The following DNAH9 variants were observed in gnomAD, a reference collection of about 807,000 sequenced individuals.
DNAH9 encodes dynein axonemal heavy chain 9, also known as DNAH9 variant protein.
A neutral mutation model predicts 471.6 loss-of-function variants in DNAH9; 345 were observed. That is an observed-to-expected ratio of 0.73 (90% CI 0.67 to 0.80). The LOEUF is 0.80. Among genes scored for constraint, DNAH9 ranks in the 30% least tolerant of loss-of-function variants. The probability of loss-of-function intolerance (pLI) is 0.00; values close to 1 mark genes in which losing one functional copy is unlikely to be tolerated. For missense variants in DNAH9, 5,407 were observed against 5,609.2 expected, an observed-to-expected ratio of 0.96 and a Z score of 1.15; for synonymous variants, 2,093 against 2,123.6, an observed-to-expected ratio of 0.99 and a Z score of 0.40.
At chr17:11,853,954 A>G in intron 49 of DNAH9, 49 bp from the exon 50 acceptor site, 1 of 1,571,558 alleles carries the variant, frequency 6.4e-7, no homozygotes, top group Non-Finnish European at 8.7e-7. Context: ...GGCAGAGGAC[A>G]AAGAAAGCCC....
intron 14 of DNAH9, among the ~76,000 whole-genome samples, chr17:11,655,978 G>A (rs907019984): frequency 7.2e-5 from 11 of 151,996 alleles, no homozygotes; most frequent in Admixed American, 1.3e-4. Flanking sequence ...AGGCATTTGG[G>A]CTGGTTCCAT....
chr17:11,646,987 C>A lies in DNAH9; in HGVS notation c.1971-85C>A, dbSNP rs527803995. ...TGGTTGGGTCAATGACTAGTAGTAT[C>A]TTCAATTTATGTTACAGATCATGAC... On this transcript the variant is annotated intron_variant, in intron 11 of 68. Coordinates refer to ENST00000262442, the MANE Select transcript of DNAH9 (RefSeq NM_001372.4). The A allele has an allele frequency of 3.1e-4, 441 of 1,444,508 alleles. 4 individuals are homozygous for A. The South Asian group carries it at 5.2e-3, about 17-fold the overall frequency. The allele number at this position is 1,444,508 out of a possible 1,614,324, so 89.5% of individuals were successfully genotyped here. A position where few individuals can be genotyped will look rare whatever the true frequency, so the allele number is the denominator to read the frequency against.
intron 38 of DNAH9, among the ~76,000 whole-genome samples, chr17:11,778,329 C>CAAAAA (rs57983162): frequency 0.038 from 1,840 of 47,926 alleles, no homozygotes; most frequent in Non-Finnish European, 0.066. Context: ...GACTCCATCT[C>CAAAAA]AAAAAAAAAA....
Position 11,800,397 on chromosome 17 carries a change from T to G in DNAH9, c.8420+2604T>G, listed in dbSNP as rs1276437088. 2.6e-5 allele frequency among the ~76,000 whole-genome samples: 4 copies of G among 151,630 alleles called. No homozygotes were observed. In the East Asian group the frequency reaches 7.8e-4, roughly 29 times the overall value. On this transcript the variant is annotated intron_variant, in intron 43 of 68. Transcript: ENST00000262442. ...CTCTCTCCTTCTCCCTCTCCTATTT[T>G]CTCTCTCCCCTCTTTTATCTTACCC...
chr17:11,747,441 C>G (rs1966925915), intron 31 of DNAH9, 115 bp from the exon 32 acceptor site: 2 of 750,488 alleles, frequency 2.7e-6, no homozygotes, highest in Admixed American at 4.2e-5. Flanking sequence ...GTAGATAACT[C>G]TTCCTCTGTT....
rs1430748759 is a variant in DNAH9, at chr17:11,781,032, A to G, written c.7576A>G (p.Lys2526Glu). The part of the protein sequence containing the change: ...LQAVLEKPLE[K>E]KAGRNYGPPG... The stretch of plus-strand genomic sequence containing the variant: ...AGCTGTCCTGGAGAAGCCTCTGGAA[A>G]AGAAGGCTGGCAGAAACTATGGCCC... The change falls in exon 39 of 69, where the codon AAG (lysine) becomes GAG (glutamate). Residue 2526 changes from lysine (K) to glutamate (E), a missense_variant. Lys to Glu is a moderately conservative substitution (Grantham distance 56). Transcript: ENST00000262442. The G allele has an allele frequency of 6.2e-7, 1 of 1,614,104 alleles. No individual in the cohort carries two copies. Among genetic ancestry groups the G allele is most frequent in the African/African-American group, 1.3e-5 (1 of 75,046 alleles).
At chr17:11,787,004 T>A (rs535043010) in intron 41 of DNAH9, among the ~76,000 whole-genome samples, 1 of 152,202 alleles carries the variant, frequency 6.6e-6, no homozygotes, top group South Asian at 2.1e-4. Flanking sequence ...CTAAGGAGAG[T>A]TTCAGGCTCA....
chr17:11,602,590 G>A (rs188472428), intron 1 of DNAH9, among the ~76,000 whole-genome samples: 106 of 152,288 alleles, frequency 7.0e-4, no homozygotes, highest in Admixed American at 2.2e-3. Context: ...TACAGATGGT[G>A]CTACCCTTGC....
chr17:11,719,746 C>CT, intron 27 of DNAH9, among the ~76,000 whole-genome samples: 1 of 152,236 alleles, frequency 6.6e-6, no homozygotes, highest in Non-Finnish European at 1.5e-5. Flanking sequence ...GAGCTCTGAC[C>CT]ACAGATGGCT....
At chr17:11,612,016 A>C (rs1340088096) in intron 4 of DNAH9, 1 of 605,416 alleles carries the variant, frequency 1.7e-6, no homozygotes, top group African/African-American at 1.9e-5. Context: ...AGCCCCTCTG[A>C]GCTTTAGTAC....
At chr17:11,677,700 T>C (rs1280388594) in intron 17 of DNAH9, among the ~76,000 whole-genome samples, 1 of 152,192 alleles carries the variant, frequency 6.6e-6, no homozygotes, top group African/African-American at 2.4e-5. Flanking sequence ...TCTTTTTCTT[T>C]TTCATTGACT....
At chr17:11,629,910 C>T (rs7208464) in intron 7 of DNAH9, among the ~76,000 whole-genome samples, 20,544 of 152,044 alleles carry the variant, frequency 0.14, 1,567 homozygotes, top group South Asian at 0.27. Context: ...TGGCTTCAAA[C>T]GTTTTAAGCT....
intron 52 of DNAH9, among the ~76,000 whole-genome samples, 197 bp downstream of exon 52, chr17:11,871,983 T>A (rs1421447024): frequency 6.6e-6 from 1 of 152,094 alleles, no homozygotes; most frequent in Admixed American, 6.5e-5. Context: ...CCAGGCCACC[T>A]GGGGGCAGCA....
At chr17:11,617,277 G>A in intron 4 of DNAH9, 134 bp from the exon 5 acceptor site, 1 of 618,352 alleles carries the variant, frequency 1.6e-6, no homozygotes, top group Non-Finnish European at 2.9e-6. Flanking sequence ...CCTCATAAGA[G>A]CTAGGAAGTT....
chr17:11,845,534 CT>C (rs1405674696), intron 49 of DNAH9, among the ~76,000 whole-genome samples: 2 of 149,504 alleles, frequency 1.3e-5, no homozygotes, highest in East Asian at 3.9e-4. Context: ...AATGGGATGG[CT>C]GGGTCAAATG....
chr17:11,871,553 A>G (rs1343583749), intron 51 of DNAH9, 45 bp from the exon 52 acceptor site: 3 of 1,569,670 alleles, frequency 1.9e-6, no homozygotes, highest in Non-Finnish European at 1.7e-6. Flanking sequence ...TCTATCACCT[A>G]CTGTGTAACA....
In DNAH9 at chr17:11,640,384, C is replaced by T. The variant is rs758364094; in HGVS notation, c.1901C>T (p.Pro634Leu). The T allele has an allele frequency of 3.1e-6, 5 of 1,587,468 alleles. No individual in the cohort carries two copies. The highest frequency in any genetic ancestry group is 1.1e-5 in the South Asian group (1 of 90,462). Residue 634 changes from proline to leucine, a missense_variant and splice_region_variant, in exon 10 of 69, where the codon CCT (proline) becomes CTT (leucine). Pro to Leu is a moderately conservative substitution (Grantham distance 98). Transcript: ENST00000262442. ...PFSNFGRITHPCMESAEGKRM... is the reference protein window; with the variant it reads ...PFSNFGRITHLCMESAEGKRM... The stretch of plus-strand genomic sequence containing the variant: ...AGCAACTTTGGACGCATCACACACC[C>T]GTGAGTATTGTGTTCCTGAAAGACA...
intron 35 of DNAH9, among the ~76,000 whole-genome samples, chr17:11,760,599 A>C (rs914429610): frequency 6.6e-6 from 1 of 151,860 alleles, no homozygotes; most frequent in Non-Finnish European, 1.5e-5. Context: ...GGCTCACTGC[A>C]ACCTCTGCCT....
At chr17:11,950,395 CTTTT>C (rs1327050343) in intron 67 of DNAH9, among the ~76,000 whole-genome samples, 1 of 152,106 alleles carries the variant, frequency 6.6e-6, no homozygotes, top group Non-Finnish European at 1.5e-5. Context: ...ATATTTTAAA[CTTTT>C]TTGTTTTCAG....
Sources: allele counts gnomAD v4.1 joint callset (sites outside exome capture counted in the v4.1 genomes callset), GRCh38; gene constraint gnomAD v4.1.1; transcripts MANE v1.5; gene names NCBI Gene and HGNC (gene_info 2026-07-23, HGNC 2026-07-21).